Variants in SLCO5A1 observed in about 807,000 individuals in gnomAD.
The protein encoded by SLCO5A1 is organic anion transporter polypeptide-related protein 4.
Under a neutral mutation model 65.1 loss-of-function variants are expected in SLCO5A1, and 39 were observed. That is an observed-to-expected ratio of 0.60 (90% CI 0.46 to 0.78). SLCO5A1 has a LOEUF of 0.78. Among genes scored for constraint, SLCO5A1 ranks in the 30% least tolerant of loss-of-function variants. The pLI, the probability that SLCO5A1 is intolerant of heterozygous loss-of-function variation, is 0.00. For missense variants in SLCO5A1, 1,029 were observed against 1,069.4 expected (o/e 0.96, Z 0.53); for synonymous variants, 438 against 415.7 (o/e 1.05, Z -0.65).
chr8:69,736,048 G>T (rs1267135583), intron 5 of SLCO5A1, among the ~76,000 whole-genome samples: 1 of 152,180 alleles, frequency 6.6e-6, no homozygotes, highest in Non-Finnish European at 1.5e-5. Context: ...TGTATAAACT[G>T]CATTGGCTAT....
chr8:69,755,214 C>CA (rs1817488668), intron 4 of SLCO5A1, among the ~76,000 whole-genome samples: 1 of 151,994 alleles, frequency 6.6e-6, no homozygotes, highest in South Asian at 2.1e-4. Flanking sequence ...AAATAACATA[C>CA]AAAATATAAC....
Position 69,824,064 on chromosome 8 carries a change from T to C in SLCO5A1, c.907+7703A>G, listed in dbSNP as rs182918576. On this transcript the variant is annotated intron_variant, in intron 2 of 9. Coordinates refer to ENST00000260126, the MANE Select transcript of SLCO5A1 (RefSeq NM_030958.3). ...CTAAATGAAGGCAGAAATAAAGATG[T>C]TCTTTGAAACCAACGAGAACAAAGA... 5.5e-3 allele frequency among the ~76,000 whole-genome samples: 833 copies of C among 152,232 alleles called. 9 individuals are homozygous for C. The highest frequency in any genetic ancestry group is 0.019 in the African/African-American group (796 of 41,522).
intron 2 of SLCO5A1, among the ~76,000 whole-genome samples, chr8:69,809,025 A>G (rs1820121786): frequency 6.6e-6 from 1 of 152,144 alleles, no homozygotes; most frequent in South Asian, 2.1e-4. Flanking sequence ...AATCACTTGA[A>G]CCTAGGAGGA....
intron 5 of SLCO5A1, among the ~76,000 whole-genome samples, chr8:69,711,334 C>G (rs1000309701): frequency 1.3e-5 from 2 of 152,154 alleles, no homozygotes; most frequent in African/African-American, 2.4e-5. Context: ...CACCTCACCT[C>G]TCTGCGCCTC....
In SLCO5A1 at chr8:69,832,994, TCCGCCGCCG is replaced by T. The variant is rs959438179; in HGVS notation, c.-330_-322del. The T allele has an allele frequency of 2.9e-5, 10 of 339,086 alleles. No individual in the cohort carries two copies. Among genetic ancestry groups the T allele is most frequent in the Admixed American group, 1.0e-4 (2 of 19,154 alleles). The allele number at this position is 339,086 out of a possible 1,614,324, so 21.0% of individuals were successfully genotyped here. On this transcript the variant is annotated 5_prime_UTR_variant, in exon 2 of 10. Coordinates refer to ENST00000260126, the MANE Select transcript of SLCO5A1 (RefSeq NM_030958.3). This position sits in a 1 kb window ranked among gnomAD's most constrained non-coding sequence, Gnocchi z 4.5. ...CCTCGCGCGTCCCGGGCTCATCCCC[TCCGCCGCCG>T]CCGCCGCCGCCGCCGCTGGGCCCGC... is the stretch of plus-strand genomic sequence containing the variant.
chr8:69,709,174 C>A (rs1782264042), intron 5 of SLCO5A1, among the ~76,000 whole-genome samples: 1 of 152,110 alleles, frequency 6.6e-6, no homozygotes, highest in Non-Finnish European at 1.5e-5. Context: ...GGATATGGGT[C>A]TAGAATTAGA....
At chr8:69,818,148 C>A (rs1199018989) in intron 2 of SLCO5A1, among the ~76,000 whole-genome samples, 1 of 152,188 alleles carries the variant, frequency 6.6e-6, no homozygotes, top group Non-Finnish European at 1.5e-5. Flanking sequence ...AAGAAGTAGC[C>A]ACAGTTTATG....
intron 2 of SLCO5A1, among the ~76,000 whole-genome samples, chr8:69,766,074 G>C (rs1563711058): frequency 6.6e-6 from 1 of 152,192 alleles, no homozygotes; most frequent in Non-Finnish European, 1.5e-5. Context: ...GAATGCATCA[G>C]TAAATCCTGT....
At chr8:69,823,596 C>T (rs1351382969) in intron 2 of SLCO5A1, among the ~76,000 whole-genome samples, 2 of 152,228 alleles carry the variant, frequency 1.3e-5, no homozygotes, top group East Asian at 1.9e-4. Flanking sequence ...TATATATGCA[C>T]CCAATACAGG....
chr8:69,815,431 G>A (rs1169940776), intron 2 of SLCO5A1, among the ~76,000 whole-genome samples: 1 of 151,882 alleles, frequency 6.6e-6, no homozygotes, highest in Non-Finnish European at 1.5e-5. Flanking sequence ...TTGTCCATTT[G>A]TTTATTTTAG....
intron 2 of SLCO5A1, among the ~76,000 whole-genome samples, chr8:69,785,000 A>C (rs907289668): frequency 6.6e-6 from 1 of 151,408 alleles, no homozygotes; most frequent in African/African-American, 2.4e-5. Flanking sequence ...AAGCGAAAGA[A>C]AGAAAGAAAA....
intron 2 of SLCO5A1, among the ~76,000 whole-genome samples, chr8:69,790,028 A>G (rs1330773380): frequency 6.6e-6 from 1 of 151,966 alleles, no homozygotes; most frequent in Non-Finnish European, 1.5e-5. Flanking sequence ...CTCTGTCTCT[A>G]CTAAAAATAC....
intron 2 of SLCO5A1, among the ~76,000 whole-genome samples, chr8:69,793,334 G>A (rs1188300172): frequency 6.6e-6 from 1 of 151,688 alleles, no homozygotes; most frequent in East Asian, 1.9e-4. Context: ...AGTAACTTAA[G>A]TTCAGTGCAC....
intron 5 of SLCO5A1, among the ~76,000 whole-genome samples, chr8:69,722,143 C>T (rs962914029): frequency 3.3e-5 from 5 of 152,090 alleles, no homozygotes; most frequent in African/African-American, 7.2e-5. Context: ...TGCTCTGCAG[C>T]CTGGGTGACA....
rs1489401331 is a variant in SLCO5A1 at position 69,670,991 on chromosome 8, T to G, written c.*1878A>C. Reference sequence around the variant, plus strand: ...TTAATCAGCAAGATTTTTTGAATACTTCCAATATATGCCACATTGGCCAGA... The same window carrying G: ...TTAATCAGCAAGATTTTTTGAATACGTCCAATATATGCCACATTGGCCAGA... On this transcript the variant is annotated 3_prime_UTR_variant, in exon 10 of 10. Coordinates refer to ENST00000260126, the MANE Select transcript of SLCO5A1 (RefSeq NM_030958.3). 6.6e-6 allele frequency: 1 copy of G among 152,254 alleles called. No individual in the cohort carries two copies. The highest frequency in any genetic ancestry group is 1.5e-5 in the Non-Finnish European group (1 of 68,074). The allele number at this position is 152,254 out of a possible 1,614,324, so 9.4% of individuals were successfully genotyped here.
chr8:69,813,243 A>G (rs191488754), intron 2 of SLCO5A1, among the ~76,000 whole-genome samples: 1 of 152,230 alleles, frequency 6.6e-6, no homozygotes, highest in East Asian at 1.9e-4. Context: ...GTAAGAATTT[A>G]AAGTGAAAAA....
At chr8:69,761,981 T>C in intron 2 of SLCO5A1, 106 bp from the exon 3 acceptor site, 6 of 1,401,758 alleles carry the variant, frequency 4.3e-6, no homozygotes, top group Non-Finnish European at 5.8e-6. Flanking sequence ...TTCAATCCAG[T>C]TAACTTCCAA....
At chr8:69,792,529 A>T (rs1040567251) in intron 2 of SLCO5A1, among the ~76,000 whole-genome samples, 1 of 152,226 alleles carries the variant, frequency 6.6e-6, no homozygotes, top group African/African-American at 2.4e-5. Flanking sequence ...GAATGATATA[A>T]GGTGGTATTT....
At chr8:69,706,031 C>A (rs1814953996) in intron 5 of SLCO5A1, among the ~76,000 whole-genome samples, 1 of 152,062 alleles carries the variant, frequency 6.6e-6, no homozygotes, top group Non-Finnish European at 1.5e-5. Flanking sequence ...GGAAATAAAC[C>A]AAATGTCCAT....
Sources: gnomAD v4.1 joint callset for allele counts (sites outside exome capture counted in the v4.1 genomes callset) on GRCh38, gnomAD v4.1.1 for gene constraint, Gnocchi (gnomAD v3.1) non-coding constraint, MANE v1.5 for transcripts, NCBI Gene and HGNC (gene_info 2026-07-23, HGNC 2026-07-21) for gene names.